Variants in KRT2 observed in about 807,000 individuals in gnomAD.
KRT2 encodes keratin, type II cytoskeletal 2 epidermal.
In KRT2, 37 loss-of-function variants were observed where a neutral mutation model predicts 48.5. That is an observed-to-expected ratio of 0.76 (90% CI 0.59 to 1.00). The LOEUF is 1.00. Ranked by LOEUF, KRT2 falls within the 50% of genes least tolerant of loss-of-function variation. The probability of loss-of-function intolerance (pLI) is 0.00; values close to 1 mark genes in which losing one functional copy is unlikely to be tolerated. For synonymous variants in KRT2, 324 were observed against 312.2 expected (o/e 1.04, Z -0.40); for missense variants, 880 against 815.2 (o/e 1.08, Z -0.97).
Position 52,650,481 on chromosome 12 carries a change from T to C in KRT2, c.658A>G (p.Thr220Ala), listed in dbSNP as rs1414184766. The change falls in exon 2 of 9, where the codon ACC becomes GCC. Residue 220 changes from threonine to alanine, a missense_variant. Thr to Ala is a moderately conservative substitution (Grantham distance 58). Coordinates refer to ENST00000309680, the MANE Select transcript of KRT2 (RefSeq NM_000423.3). ...ATGGGCTCCAGGTTGATGGGGCGGGTGCCAACATTCATTTGTTGTAGCAGC... is the reference window on the plus strand; with the variant it reads ...ATGGGCTCCAGGTTGATGGGGCGGGCGCCAACATTCATTTGTTGTAGCAGC... ...WELLQQMNVG[T>A]RPINLEPIFQ... is the part of the protein sequence containing the mutation. The C allele has an allele frequency of 2.5e-6, 4 of 1,613,694 alleles. No homozygotes were observed. The East Asian group carries it at 8.9e-5, about 36-fold the overall frequency.
chr12:52,648,984 C>G (rs564049656), intron 4 of KRT2, 23 bp downstream of exon 4: 1 of 1,418,688 alleles, frequency 7.0e-7, no homozygotes, highest in South Asian at 1.1e-5. Context: ...AAGTAAGGGA[C>G]TGTCCCGGAG....
At chr12:52,648,606 G>A (rs1349951102) in intron 4 of KRT2, among the ~76,000 whole-genome samples, 1 of 152,116 alleles carries the variant, frequency 6.6e-6, no homozygotes, top group African/African-American at 2.4e-5. Context: ...GCTTGTCCAT[G>A]GCAAATACCT....
chr12:52,647,670 C>T (rs1185350048), intron 6 of KRT2, 60 bp downstream of exon 6: 1 of 1,599,604 alleles, frequency 6.3e-7, no homozygotes, highest in Admixed American at 1.7e-5. Context: ...CACACAACCA[C>T]ACTCTCACGC....
rs1447891055 is a variant in KRT2, at chr12:52,649,815, T to C, written c.861+99A>G. 4.4e-6 allele frequency: 4 copies of C among 911,566 alleles called. No individual in the cohort carries two copies. The Admixed American group carries it at 6.8e-5, about 16-fold the overall frequency. 56.5% of individuals were successfully genotyped at this position (911,566 alleles called of 1,614,324 possible). ...TCTCACTCCTTTCTCTGGCTGCTGCTTTTGCACTCACAGTTGATTTCCAAA... is the reference window on the plus strand; with the variant it reads ...TCTCACTCCTTTCTCTGGCTGCTGCCTTTGCACTCACAGTTGATTTCCAAA... On this transcript the variant is annotated intron_variant, in intron 3 of 8. Transcript: ENST00000309680.
At chr12:52,650,738 C>T in intron 1 of KRT2, 185 bp from the exon 2 acceptor site, 1 of 661,326 alleles carries the variant, frequency 1.5e-6, no homozygotes, top group South Asian at 1.7e-5. Context: ...CCCACAGACT[C>T]CTAATGCTAC....
Position 52,645,040 on chromosome 12 carries a change from G to A in KRT2, c.1899C>T (p.Ser633=), listed in dbSNP as rs553228747. 19 of 1,614,032 alleles carry A rather than the reference G, an allele frequency of 1.2e-5. No homozygotes were observed. The highest frequency in any genetic ancestry group is 4.0e-5 in the African/African-American group (3 of 74,986). ...KGSSGEAFGS[S]VTFSFR is the part of the protein sequence containing the mutation. ...ATCTTTATCTAAAAGAGAAGGTCACGCTGGAACCAAAAGCTTCACCTGAGC... is the reference window on the plus strand; with the variant it reads ...ATCTTTATCTAAAAGAGAAGGTCACACTGGAACCAAAAGCTTCACCTGAGC... Residue 633 remains serine, a synonymous_variant, in exon 9 of 9, where the codon AGC becomes AGT. Coordinates refer to ENST00000309680, the MANE Select transcript of KRT2 (RefSeq NM_000423.3).
chr12:52,649,191 G>T, intron 3 of KRT2, 89 bp from the exon 4 acceptor site: 2 of 848,512 alleles, frequency 2.4e-6, no homozygotes, highest in Non-Finnish European at 4.1e-6. Flanking sequence ...GTCCCTGCTG[G>T]CTCCTCTCTA....
intron 2 of KRT2, 94 bp downstream of exon 2, chr12:52,650,245 C>A: frequency 9.1e-7 from 1 of 1,096,458 alleles, no homozygotes. Context: ...ATTACCACCA[C>A]AAATGCAACT....
intron 6 of KRT2, 33 bp downstream of exon 6, chr12:52,647,697 T>G: frequency 4.3e-6 from 7 of 1,611,496 alleles, no homozygotes; most frequent in Non-Finnish European, 5.9e-6. Flanking sequence ...AGAGACAACC[T>G]CCCGCCCCTC....
In KRT2 at chr12:52,645,339, A is replaced by G; in HGVS notation, c.1600T>C (p.Ser534Pro). Reference protein sequence around the residue: ...RGSSSGGGYSSGSSSYGSGGR... With the variant: ...RGSSSGGGYSPGSSSYGSGGR... ...CCAGAGCCATAACTGCTGCTTCCAGAGCTGTATCCTCCTCCGGAACTGGAC... is the reference window on the plus strand; with the variant it reads ...CCAGAGCCATAACTGCTGCTTCCAGGGCTGTATCCTCCTCCGGAACTGGAC... Residue 534 changes from serine to proline, a missense_variant, in exon 9 of 9, where the codon TCT (serine) becomes CCT (proline). Physicochemically the swap from Ser to Pro is moderately conservative, Grantham distance 74. Coordinates refer to ENST00000309680, the MANE Select transcript of KRT2 (RefSeq NM_000423.3). 6.2e-7 allele frequency: 1 copy of G among 1,614,148 alleles called. No individual in the cohort carries two copies. The highest frequency in any genetic ancestry group is 8.5e-7 in the Non-Finnish European group (1 of 1,180,040).
At chr12:52,647,200 C>T (rs2120941565) in intron 6 of KRT2, among the ~76,000 whole-genome samples, 1 of 152,304 alleles carries the variant, frequency 6.6e-6, no homozygotes, top group South Asian at 2.1e-4. Context: ...ATCACAGGGC[C>T]TGAATCATGA....
chr12:52,644,869 T>C lies in KRT2; in HGVS notation c.*150A>G, dbSNP rs914250038. On this transcript the variant is annotated 3_prime_UTR_variant, in exon 9 of 9. Coordinates refer to ENST00000309680, the MANE Select transcript of KRT2 (RefSeq NM_000423.3). ...TTTGGAGAGAAGATCTTTCAAAAAC[T>C]GTATGTGGACATTCTTTTCCCTCAA... The C allele has an allele frequency of 4.8e-5, 38 of 789,788 alleles. No homozygotes were observed. The Middle Eastern group carries it at 1.1e-3, about 23-fold the overall frequency. 48.9% of individuals were successfully genotyped at this position (789,788 alleles called of 1,614,324 possible). A position where few individuals can be genotyped will look rare whatever the true frequency, so the allele number is the denominator to read the frequency against.
Position 52,650,682 on chromosome 12 carries a change from A to G in KRT2, c.586-129T>C, listed in dbSNP as rs551520877. 24 of 773,492 alleles carry G rather than the reference A, an allele frequency of 3.1e-5. No homozygotes were observed. In the East Asian group the frequency reaches 6.0e-4, roughly 19 times the overall value. 47.9% of individuals were successfully genotyped at this position (773,492 alleles called of 1,614,324 possible). On this transcript the variant is annotated intron_variant, in intron 1 of 8. Coordinates refer to ENST00000309680, the MANE Select transcript of KRT2 (RefSeq NM_000423.3). Reference sequence around the variant, plus strand: ...AGTGTCTGAGGCTGGATGCCGAGTCATGACTGGCAGAGCTTCTGAGCTCCC... The same window carrying G: ...AGTGTCTGAGGCTGGATGCCGAGTCGTGACTGGCAGAGCTTCTGAGCTCCC...
In KRT2 at chr12:52,650,275, A is replaced by G. The variant is rs1383399335; in HGVS notation, c.800+64T>C. 5.8e-6 allele frequency: 8 copies of G among 1,387,902 alleles called. No individual in the cohort carries two copies. The East Asian group carries it at 1.8e-4, about 32-fold the overall frequency. 86.0% of individuals were successfully genotyped at this position (1,387,902 alleles called of 1,614,324 possible). Reference sequence around the variant, plus strand: ...GCAACTGGGAGATGAATGGCTTTCCAGGGAGTGATCAAATGGCTCAGTGCA... The same window carrying G: ...GCAACTGGGAGATGAATGGCTTTCCGGGGAGTGATCAAATGGCTCAGTGCA... On this transcript the variant is annotated intron_variant, in intron 2 of 8. Transcript: ENST00000309680.
chr12:52,647,844 G>A lies in KRT2; in HGVS notation c.1134C>T (p.Leu378=). Residue 378 remains leucine, a synonymous_variant, in exon 6 of 9, where the codon CTC becomes CTT. Transcript: ENST00000309680. Reference sequence around the variant, plus strand: ...CTCCATGTCTCCCGACAGTCACCTGGAGCTCCTCATACTGATATGGGGAGA... The same window carrying A: ...CTCCATGTCTCCCGACAGTCACCTGAAGCTCCTCATACTGATATGGGGAGA... ...EALYHSKYEE[L]QVTVGRHGDS... 6.2e-7 allele frequency: 1 copy of A among 1,614,098 alleles called. No homozygotes were observed. The highest frequency in any genetic ancestry group is 8.5e-7 in the Non-Finnish European group (1 of 1,180,020).
chr12:52,649,743 G>A (rs1303105120), intron 3 of KRT2, among the ~76,000 whole-genome samples, 171 bp downstream of exon 3: 1 of 152,206 alleles, frequency 6.6e-6, no homozygotes, highest in Non-Finnish European at 1.5e-5. Flanking sequence ...GTATCCAGAA[G>A]CTTGACCTAC....
intron 4 of KRT2, among the ~76,000 whole-genome samples, chr12:52,648,667 G>T (rs1027810050): frequency 6.6e-5 from 10 of 152,128 alleles, no homozygotes; most frequent in African/African-American, 2.4e-4. Flanking sequence ...GGGTTGGGGA[G>T]GGGGATAGGA....
intron 3 of KRT2, 108 bp downstream of exon 3, chr12:52,649,806 G>A: frequency 1.2e-6 from 1 of 854,028 alleles, no homozygotes; most frequent in Non-Finnish European, 2.0e-6. Flanking sequence ...TCCTTTCTCT[G>A]GCTGCTGCTT....
chr12:52,648,860 A>C, intron 4 of KRT2, 147 bp downstream of exon 4: 1 of 690,978 alleles, frequency 1.4e-6, no homozygotes, highest in Non-Finnish European at 2.7e-6. Context: ...TATGCTATGA[A>C]AGCCCCCCCA....
Sources: allele counts gnomAD v4.1 joint callset (sites outside exome capture counted in the v4.1 genomes callset), GRCh38; gene constraint gnomAD v4.1.1; transcripts MANE v1.5; gene names NCBI Gene and HGNC (gene_info 2026-07-23, HGNC 2026-07-21).